Variants in SEMA3E observed in about 807,000 individuals in gnomAD.
The protein encoded by SEMA3E is semaphorin 3E, also known as semaphorin-3E.
In SEMA3E, 49 loss-of-function variants were observed where a neutral mutation model predicts 93.6. That is an observed-to-expected ratio of 0.52 (90% CI 0.42 to 0.66). The LOEUF is 0.66. Among genes scored for constraint, SEMA3E ranks in the 30% least tolerant of loss-of-function variants. The probability of loss-of-function intolerance (pLI) is 0.00; values close to 1 mark genes in which losing one functional copy is unlikely to be tolerated. For missense variants in SEMA3E, 906 were observed against 964.8 expected (o/e 0.94, Z 0.81); for synonymous variants, 363 against 330.7 (o/e 1.10, Z -1.06).
At chr7:83,437,997 T>G (rs956643965) in intron 4 of SEMA3E, among the ~76,000 whole-genome samples, 2 of 152,200 alleles carry the variant, frequency 1.3e-5, no homozygotes, top group Non-Finnish European at 2.9e-5. Flanking sequence ...TGGCAATATG[T>G]GCTAGAAATA....
rs1419475213 is a variant in SEMA3E at position 83,498,155 on chromosome 7, AAT to A, written c.116-7883_116-7882del. 3.3e-5 allele frequency among the ~76,000 whole-genome samples: 5 copies of A among 152,198 alleles called. No homozygotes were observed. In the East Asian group the frequency reaches 9.7e-4, roughly 29 times the overall value. On this transcript the variant is annotated intron_variant, in intron 1 of 16. Coordinates refer to ENST00000643230, the MANE Select transcript of SEMA3E (RefSeq NM_012431.3). ...CAATACAGTATATAATACATATAAA[AAT>A]ATGTGTTACTCAACTGTTTATGTTA...
chr7:83,549,059 C>A (rs1791708651), intron 1 of SEMA3E, among the ~76,000 whole-genome samples: 2 of 151,998 alleles, frequency 1.3e-5, no homozygotes, highest in South Asian at 4.1e-4. Context: ...ATAAGAAGGA[C>A]AAAACAGAAA....
chr7:83,529,649 A>T (rs763581626), intron 1 of SEMA3E, among the ~76,000 whole-genome samples: 1 of 152,194 alleles, frequency 6.6e-6, no homozygotes, highest in African/African-American at 2.4e-5. Flanking sequence ...ATCTGGAAAG[A>T]TGTCAGAAAA....
chr7:83,503,075 T>C (rs1790627076), intron 1 of SEMA3E, among the ~76,000 whole-genome samples: 1 of 151,816 alleles, frequency 6.6e-6, no homozygotes, highest in Non-Finnish European at 1.5e-5. Context: ...ATTTCCCTTG[T>C]TGAAATAGGG....
intron 1 of SEMA3E, among the ~76,000 whole-genome samples, chr7:83,591,122 A>AG (rs1792749221): frequency 7.3e-6 from 1 of 136,672 alleles, no homozygotes; most frequent in Admixed American, 6.9e-5. Flanking sequence ...AAAAAAAAAA[A>AG]CAAGAGGAAT....
intron 4 of SEMA3E, among the ~76,000 whole-genome samples, chr7:83,463,767 C>T (rs1392827108): frequency 6.6e-6 from 1 of 152,154 alleles, no homozygotes; most frequent in Non-Finnish European, 1.5e-5. Flanking sequence ...AATCTATCCT[C>T]AAGGAAATAA....
chr7:83,518,600 G>A (rs1412968727), intron 1 of SEMA3E, among the ~76,000 whole-genome samples: 1 of 152,062 alleles, frequency 6.6e-6, no homozygotes, highest in Non-Finnish European at 1.5e-5. Flanking sequence ...TTGCCTGATA[G>A]GATTTTTGTG....
At chr7:83,496,984 T>TG (rs1272262875) in intron 1 of SEMA3E, among the ~76,000 whole-genome samples, 3 of 152,050 alleles carry the variant, frequency 2.0e-5, no homozygotes, top group African/African-American at 4.8e-5. Context: ...ATGAATTGCT[T>TG]GGGGATGGAA....
intron 1 of SEMA3E, among the ~76,000 whole-genome samples, chr7:83,513,834 G>T (rs1030137286): frequency 3.9e-5 from 6 of 152,000 alleles, no homozygotes; most frequent in African/African-American, 1.2e-4. Flanking sequence ...TCTCTTCAAG[G>T]CTTTTAATAT....
intron 12 of SEMA3E, among the ~76,000 whole-genome samples, chr7:83,395,079 T>A (rs1788096860): frequency 6.6e-6 from 1 of 152,230 alleles, no homozygotes. Flanking sequence ...AGTGTTTTTT[T>A]ATTTTTTATT....
intron 1 of SEMA3E, among the ~76,000 whole-genome samples, chr7:83,516,945 T>TTA (rs369210004): frequency 2.4e-4 from 36 of 148,562 alleles, no homozygotes; most frequent in South Asian, 1.1e-3. Flanking sequence ...TAGCATATAT[T>TTA]TATATATATA....
intron 14 of SEMA3E, among the ~76,000 whole-genome samples, chr7:83,388,025 C>T (rs1787918237): frequency 6.8e-6 from 1 of 147,086 alleles, no homozygotes; most frequent in Admixed American, 6.9e-5. Flanking sequence ...TATATAAAAA[C>T]ATTAGCCGGG....
intron 12 of SEMA3E, among the ~76,000 whole-genome samples, chr7:83,396,043 G>A (rs1584218125): frequency 1.6e-5 from 1 of 61,064 alleles, no homozygotes; most frequent in South Asian, 3.5e-4. Context: ...ACGACTTGAT[G>A]TGTGTGTGTG....
chr7:83,386,283 G>A (rs768860544), intron 15 of SEMA3E, among the ~76,000 whole-genome samples: 5 of 152,044 alleles, frequency 3.3e-5, no homozygotes, highest in African/African-American at 4.8e-5. Flanking sequence ...CTGGCTCTGC[G>A]TATAGCCACC....
At chr7:83,638,719 T>C (rs907273801) in intron 1 of SEMA3E, among the ~76,000 whole-genome samples, 1 of 152,024 alleles carries the variant, frequency 6.6e-6, no homozygotes, top group African/African-American at 2.4e-5. Context: ...AAAAAGGTAA[T>C]ATGAGCTTGA....
chr7:83,367,851 T>G lies in SEMA3E; in HGVS notation c.2063A>C (p.Glu688Ala). ...VEDMFNKDDE[E>A]DRHHRMPCPA... ...ACAAGGCATCCTGTGATGCCTGTCC[T>G]CCTCATCGTCCTTGTTAAACATATC... is the stretch of plus-strand genomic sequence containing the variant. Residue 688 changes from glutamate (E) to alanine (A), a missense_variant, in exon 17 of 17, where the codon GAG becomes GCG. Coordinates refer to ENST00000643230, the MANE Select transcript of SEMA3E (RefSeq NM_012431.3). The G allele has an allele frequency of 6.2e-7, 1 of 1,613,050 alleles. No homozygotes were observed. Among genetic ancestry groups the G allele is most frequent in the East Asian group, 2.2e-5 (1 of 44,852 alleles).
At chr7:83,629,608 A>C (rs1244848614) in intron 1 of SEMA3E, among the ~76,000 whole-genome samples, 1 of 151,972 alleles carries the variant, frequency 6.6e-6, no homozygotes, top group Non-Finnish European at 1.5e-5. Flanking sequence ...AAAACCGCCT[A>C]CTCAAGCCTC....
At chr7:83,438,053 G>A (rs967914360) in intron 4 of SEMA3E, among the ~76,000 whole-genome samples, 4 of 152,068 alleles carry the variant, frequency 2.6e-5, no homozygotes, top group Non-Finnish European at 2.9e-5. Context: ...ATTAAATATC[G>A]AGTTCTGAGA....
At chr7:83,498,322 C>T (rs1490889846) in intron 1 of SEMA3E, among the ~76,000 whole-genome samples, 1 of 152,132 alleles carries the variant, frequency 6.6e-6, no homozygotes, top group African/African-American at 2.4e-5. Flanking sequence ...GTATATTGAA[C>T]ATCCACTGTG....
Sources: gnomAD v4.1 joint callset for allele counts (sites outside exome capture counted in the v4.1 genomes callset) on GRCh38, gnomAD v4.1.1 for gene constraint, MANE v1.5 for transcripts, NCBI Gene and HGNC (gene_info 2026-07-23, HGNC 2026-07-21) for gene names.